Variants in APBB2 observed in about 807,000 individuals in gnomAD.
APBB2 encodes the protein Fe65-like 1.
APBB2 carries 38 observed loss-of-function variants against 82.5 expected under a neutral mutation model. The observed-to-expected ratio is 0.46, with a 90% CI of 0.36 to 0.60. The LOEUF (loss-of-function observed/expected upper bound fraction) is 0.60, where lower values mean the gene tolerates loss of function less well. APBB2 is among the 20% of genes least tolerant of loss of function. The probability of loss-of-function intolerance (pLI) is 0.00; values close to 1 mark genes in which losing one functional copy is unlikely to be tolerated. For missense variants in APBB2, 772 were observed against 972.3 expected (o/e 0.79, Z 2.74); for synonymous variants, 341 against 368.2 (o/e 0.93, Z 0.85).
At chr4:40,823,606 T>C (rs1748754269) in intron 16 of APBB2, 38 bp downstream of exon 16, 2 of 1,424,182 alleles carry the variant, frequency 1.4e-6, no homozygotes, top group Non-Finnish European at 2.0e-6. Flanking sequence ...ATACTCACTG[T>C]ATAAGACACA....
Position 41,015,042 on chromosome 4 carries a change from C to A in APBB2, c.20-644G>T, listed in dbSNP as rs185283954. On this transcript the variant is annotated intron_variant, in intron 5 of 17. Transcript: ENST00000508593. ...GAAATGGCTTAATTTCTGAAGAACA[C>A]GTACACACGCACACAAAACTATTAC... 1.3e-3 allele frequency among the ~76,000 whole-genome samples: 201 copies of A among 152,308 alleles called. 1 individual carries two copies. Among genetic ancestry groups the A allele is most frequent in the African/African-American group, 4.5e-3 (189 of 41,566 alleles).
intron 10 of APBB2, among the ~76,000 whole-genome samples, chr4:40,917,739 T>C (rs1448778989): frequency 6.6e-6 from 1 of 152,228 alleles, no homozygotes; most frequent in Non-Finnish European, 1.5e-5. Flanking sequence ...TTCTACAGGA[T>C]ATCAAAGAAG....
intron 2 of APBB2, among the ~76,000 whole-genome samples, chr4:41,126,493 T>A (rs187739418): frequency 6.6e-6 from 1 of 152,268 alleles, no homozygotes; most frequent in Admixed American, 6.5e-5. Flanking sequence ...AACAGAAACA[T>A]CCATCTTGGG....
chr4:40,873,025 T>C (rs1578122681), intron 12 of APBB2, among the ~76,000 whole-genome samples: 2 of 150,382 alleles, frequency 1.3e-5, no homozygotes, highest in Admixed American at 1.3e-4. Context: ...GAGGCGGAGG[T>C]TGCAGTGAGC....
intron 6 of APBB2, among the ~76,000 whole-genome samples, chr4:40,946,637 G>A (rs2154381510): frequency 6.6e-6 from 1 of 152,228 alleles, no homozygotes; most frequent in East Asian, 1.9e-4. Context: ...CATCCACCGA[G>A]ATGGAGGGGT....
chr4:40,973,584 C>G (rs1224243575), intron 6 of APBB2, among the ~76,000 whole-genome samples: 1 of 152,214 alleles, frequency 6.6e-6, no homozygotes, highest in Non-Finnish European at 1.5e-5. Flanking sequence ...CAAAGTATCA[C>G]AAACTGAGTG....
At chr4:41,078,668 C>T (rs930729172) in intron 3 of APBB2, among the ~76,000 whole-genome samples, 3 of 152,200 alleles carry the variant, frequency 2.0e-5, no homozygotes, top group Non-Finnish European at 4.4e-5. Flanking sequence ...GAACAACTGG[C>T]CGTCTTAGTT....
At chr4:41,041,355 G>A (rs973735777) in intron 4 of APBB2, among the ~76,000 whole-genome samples, 2 of 152,150 alleles carry the variant, frequency 1.3e-5, no homozygotes, top group African/African-American at 4.8e-5. Flanking sequence ...CATGCATAAT[G>A]AAGAGTATTT....
intron 2 of APBB2, among the ~76,000 whole-genome samples, chr4:41,116,745 G>A (rs1022282539): frequency 2.0e-5 from 3 of 152,028 alleles, no homozygotes; most frequent in African/African-American, 7.2e-5. Context: ...AAATGAGGGG[G>A]GTTATATGGG....
At chr4:40,834,599 G>C (rs1310942016) in intron 12 of APBB2, among the ~76,000 whole-genome samples, 1 of 152,152 alleles carries the variant, frequency 6.6e-6, no homozygotes, top group South Asian at 2.1e-4. Flanking sequence ...GCCAACAGGG[G>C]CTTGGCGGAT....
chr4:40,999,984 G>T (rs1304708556), intron 6 of APBB2, among the ~76,000 whole-genome samples: 1 of 151,058 alleles, frequency 6.6e-6, no homozygotes, highest in African/African-American at 2.4e-5. Flanking sequence ...TTTGAGAACA[G>T]CCTGGACAAC....
At chr4:41,094,272 G>A (rs1394525491) in intron 3 of APBB2, among the ~76,000 whole-genome samples, 2 of 152,158 alleles carry the variant, frequency 1.3e-5, no homozygotes, top group Non-Finnish European at 2.9e-5. Flanking sequence ...TATACCTGCT[G>A]CAGCAATGAA....
At chr4:41,168,003 G>A (rs535382376) in intron 1 of APBB2, among the ~76,000 whole-genome samples, 4 of 152,322 alleles carry the variant, frequency 2.6e-5, no homozygotes, top group Admixed American at 2.6e-4. Flanking sequence ...GGGCGTGGTG[G>A]CTCACGCCTA....
chr4:40,932,516 G>A (rs749104400), intron 10 of APBB2, among the ~76,000 whole-genome samples: 2 of 152,172 alleles, frequency 1.3e-5, no homozygotes, highest in African/African-American at 4.8e-5. Flanking sequence ...AACCTGTATG[G>A]TGTTCCCCTC....
intron 4 of APBB2, among the ~76,000 whole-genome samples, chr4:41,059,332 G>T (rs1728924191): frequency 6.6e-6 from 1 of 152,248 alleles, no homozygotes; most frequent in Non-Finnish European, 1.5e-5. Context: ...ATGGTGGCAG[G>T]CGCCTGTAAT....
chr4:41,157,888 A>G (rs1763888659), intron 1 of APBB2, among the ~76,000 whole-genome samples: 1 of 152,040 alleles, frequency 6.6e-6, no homozygotes, highest in Non-Finnish European at 1.5e-5. Context: ...GCTACTCAGG[A>G]GGCTAAGGCA....
At chr4:41,029,922 T>A (rs1374427730) in intron 5 of APBB2, among the ~76,000 whole-genome samples, 5 of 152,020 alleles carry the variant, frequency 3.3e-5, no homozygotes, top group Non-Finnish European at 7.4e-5. Flanking sequence ...TTTGGGAGGC[T>A]GAGGCAGGCG....
At chr4:40,941,695 T>TCATAGCTATGATCA (rs1487663426) in intron 7 of APBB2, among the ~76,000 whole-genome samples, 1 of 152,222 alleles carries the variant, frequency 6.6e-6, no homozygotes, top group African/African-American at 2.4e-5. Flanking sequence ...TATGGTGTGA[T>TCATAGCTATGATCA]CATAGCTCAC....
rs111752203 is a variant in APBB2, at chr4:40,975,382, C to T, written c.836-30309G>A. Among the ~76,000 whole-genome samples, 244 of 152,208 alleles carry T rather than the reference C, an allele frequency of 1.6e-3. 1 individual carries two copies. The highest frequency in any genetic ancestry group is 2.6e-3 in the Non-Finnish European group (176 of 68,006). On this transcript the variant is annotated intron_variant, in intron 6 of 17. Transcript: ENST00000508593. ...TTTTTTTGGCTTCAAATTACTAATCCAGTTCTCCCCTCACTCCCCTGCACC... is the reference window on the plus strand; with the variant it reads ...TTTTTTTGGCTTCAAATTACTAATCTAGTTCTCCCCTCACTCCCCTGCACC...
Sources: gnomAD v4.1 joint callset for allele counts (sites outside exome capture counted in the v4.1 genomes callset) on GRCh38, gnomAD v4.1.1 for gene constraint, MANE v1.5 for transcripts, NCBI Gene and HGNC (gene_info 2026-07-23, HGNC 2026-07-21) for gene names.